The following PDE12 variants were observed in gnomAD, a reference collection of about 807,000 sequenced individuals.
The protein encoded by PDE12 is phosphodiesterase 12.
Under a neutral mutation model 45.4 loss-of-function variants are expected in PDE12, and 26 were observed. The ratio of observed to expected loss-of-function variants is 0.57; its 90% confidence interval spans 0.42 to 0.79. The LOEUF is 0.79. Among genes scored for constraint, PDE12 ranks in the 30% least tolerant of loss-of-function variants. The pLI is 0.00. For synonymous variants in PDE12, 283 were observed against 323.9 expected (o/e 0.87, Z 1.36); for missense variants, 668 against 790.0 (o/e 0.85, Z 1.85).
chr3:57,606,606 A>G, the PDE12 span, among the ~76,000 whole-genome samples: 6 of 152,190 alleles, frequency 3.9e-5, no homozygotes, highest in East Asian at 1.9e-4. Context: ...TTAAAAACAG[A>G]TAACTGTTTA....
At chr3:57,573,056 G>T in the PDE12 span, among the ~76,000 whole-genome samples, 1 of 152,086 alleles carries the variant, frequency 6.6e-6, no homozygotes, top group South Asian at 2.1e-4. Context: ...CAAAAAATTA[G>T]CCGGGCGTGG....
chr3:57,558,488 C>CTAT (rs10662542), intron 1 of PDE12, among the ~76,000 whole-genome samples: 38,147 of 151,190 alleles, frequency 0.25, 6,902 homozygotes, highest in African/African-American at 0.51. Context: ...ATATATTGGA[C>CTAT]TATTATTATT....
chr3:57,654,554 C>A, the PDE12 span: 1 of 878,170 alleles, frequency 1.1e-6, no homozygotes, highest in Non-Finnish European at 1.4e-6. Flanking sequence ...GTACTAGGAA[C>A]AAATAGCAAA....
At chr3:57,643,405 TC>T in the PDE12 span, among the ~76,000 whole-genome samples, 1 of 151,918 alleles carries the variant, frequency 6.6e-6, no homozygotes, top group South Asian at 2.1e-4. Context: ...GCTTAAAACA[TC>T]CCCCTCCCCC....
At chr3:57,601,262 AC>A in the PDE12 span, among the ~76,000 whole-genome samples, 4 of 152,004 alleles carry the variant, frequency 2.6e-5, no homozygotes, top group Admixed American at 2.6e-4. Flanking sequence ...GGCACATGCC[AC>A]TGCGCCCGGC....
At chr3:57,619,078 A>G in the PDE12 span, among the ~76,000 whole-genome samples, 1 of 152,148 alleles carries the variant, frequency 6.6e-6, no homozygotes, top group African/African-American at 2.4e-5. Flanking sequence ...GGCCGGGTGC[A>G]GTGGCTCACG....
In PDE12 at chr3:57,556,965, C is replaced by T. The variant is rs369308263; in HGVS notation, c.586C>T (p.Arg196Cys). The change falls in exon 1 of 3, where the codon CGC becomes TGC. Residue 196 changes from arginine (R) to cysteine (C), a missense_variant. Coordinates refer to ENST00000311180, the MANE Select transcript of PDE12 (RefSeq NM_177966.7). The surrounding 1 kb of genome is among the most constrained non-coding windows in gnomAD (Gnocchi z 5.0). ...TGGGGATCCCGCCAGCTCCCTTTTC[C>T]GCTGGTATAAGGAAGCCAAGCCCGG... is the stretch of plus-strand genomic sequence containing the variant. ...EFGDPASSLF[R>C]WYKEAKPGAA... 16 of 1,614,094 alleles carry T rather than the reference C, an allele frequency of 9.9e-6. No individual in the cohort carries two copies. Among genetic ancestry groups the T allele is most frequent in the African/African-American group, 2.7e-5 (2 of 74,938 alleles).
At chr3:57,596,161 A>C in the PDE12 span, among the ~76,000 whole-genome samples, 1 of 152,132 alleles carries the variant, frequency 6.6e-6, no homozygotes, top group African/African-American at 2.4e-5. Flanking sequence ...CTGAGCAAAA[A>C]CACGCCCCCT....
the PDE12 span, among the ~76,000 whole-genome samples, chr3:57,617,166 A>G: frequency 6.6e-6 from 1 of 152,048 alleles, no homozygotes; most frequent in Non-Finnish European, 1.5e-5. Flanking sequence ...GCTCTTTGGG[A>G]GGCTGAAGCG....
the PDE12 span, among the ~76,000 whole-genome samples, chr3:57,636,168 C>G: frequency 6.6e-6 from 1 of 152,166 alleles, no homozygotes; most frequent in South Asian, 2.1e-4. Context: ...AGATTTTCTA[C>G]TACACAGGAA....
chr3:57,557,047 C>G lies in PDE12; in HGVS notation c.668C>G (p.Ser223Cys). ...TCATTGTCTCCCTCCTCACCTTCTT[C>G]TTCTTGGACTGAGACTGATGTGGAG... is the stretch of plus-strand genomic sequence containing the variant. Reference protein sequence around the residue: ...PSSLSPSSPSSSWTETDVEER... With the variant: ...PSSLSPSSPSCSWTETDVEER... The change falls in exon 1 of 3, where the codon TCT becomes TGT. Residue 223 changes from serine to cysteine, a missense_variant. Ser to Cys is a moderately radical substitution (Grantham distance 112). Around this residue, in one of 3 missense-constraint regions of PDE12, gnomAD observed 580 missense variants for 662.9 expected, o/e 0.87. Transcript: ENST00000311180. The G allele has an allele frequency of 2.5e-6, 4 of 1,614,086 alleles. No homozygotes were observed. Among genetic ancestry groups the G allele is most frequent in the Non-Finnish European group, 3.4e-6 (4 of 1,180,026 alleles).
the PDE12 span, among the ~76,000 whole-genome samples, chr3:57,648,947 C>T: frequency 6.6e-6 from 1 of 152,144 alleles, no homozygotes; most frequent in Admixed American, 6.6e-5. Flanking sequence ...CCCATCCAGG[C>T]ATAAACCTAG....
chr3:57,614,539 T>TTTG, the PDE12 span, among the ~76,000 whole-genome samples: 4 of 118,050 alleles, frequency 3.4e-5, no homozygotes, highest in Non-Finnish European at 1.7e-5. Context: ...TTTTTTTTGT[T>TTTG]TTTTGTTTTT....
the PDE12 span, among the ~76,000 whole-genome samples, chr3:57,641,297 AT>A: frequency 7.0e-6 from 1 of 143,822 alleles, no homozygotes; most frequent in Non-Finnish European, 1.5e-5. Context: ...AATATTATAT[AT>A]TTAAATATAT....
the PDE12 span, among the ~76,000 whole-genome samples, chr3:57,608,269 G>A: frequency 6.6e-6 from 1 of 152,164 alleles, no homozygotes; most frequent in African/African-American, 2.4e-5. Flanking sequence ...AGCAGTACCA[G>A]CCACTGCAAA....
chr3:57,646,518 A>C, the PDE12 span: 1 of 1,472,066 alleles, frequency 6.8e-7, no homozygotes, highest in Admixed American at 2.6e-5. Context: ...CTTTCTAAAA[A>C]CTCCACATTG....
chr3:57,606,898 G>C, the PDE12 span, among the ~76,000 whole-genome samples: 11 of 152,092 alleles, frequency 7.2e-5, no homozygotes, highest in Non-Finnish European at 1.3e-4. Context: ...GAAGAGAGTA[G>C]TGGTTCTCCC....
chr3:57,647,777 G>C, the PDE12 span, among the ~76,000 whole-genome samples: 1 of 151,668 alleles, frequency 6.6e-6, no homozygotes, highest in Non-Finnish European at 1.5e-5. Context: ...AGCCCAAAAA[G>C]GGGAAGATGG....
At chr3:57,582,747 A>G in the PDE12 span, among the ~76,000 whole-genome samples, 1 of 74,004 alleles carries the variant, frequency 1.4e-5, no homozygotes, top group Non-Finnish European at 3.5e-5. Context: ...TCACACTTAA[A>G]AAAAATTATT....
Sources: allele counts gnomAD v4.1 joint callset (sites outside exome capture counted in the v4.1 genomes callset), GRCh38; gene constraint gnomAD v4.1.1; regional missense constraint gnomAD v4.1.1; non-coding constraint Gnocchi (gnomAD v3.1); transcripts MANE v1.5; gene names NCBI Gene and HGNC (gene_info 2026-07-23, HGNC 2026-07-21).